The following MDFIC2 variants were observed in gnomAD, a reference collection of about 807,000 sequenced individuals.
The protein encoded by MDFIC2 is MyoD family inhibitor domain containing 2, also known as myoD family inhibitor domain-containing protein 2.
intron 2 of MDFIC2, among the ~76,000 whole-genome samples, chr3:70,293,507 G>T (rs530436002): frequency 6.6e-6 from 1 of 152,126 alleles, no homozygotes; most frequent in Non-Finnish European, 1.5e-5. Context: ...CTATTGTGAT[G>T]TTGCCTATAT....
intron 2 of MDFIC2, among the ~76,000 whole-genome samples, chr3:70,294,797 G>T (rs575032022): frequency 1.6e-4 from 25 of 152,192 alleles, no homozygotes; most frequent in African/African-American, 6.0e-4. Context: ...TTTTTGCTCA[G>T]TCTGGCTTCT....
chr3:70,217,070 AT>A (rs1203039110), intron 2 of MDFIC2, among the ~76,000 whole-genome samples: 12 of 152,090 alleles, frequency 7.9e-5, no homozygotes, highest in Non-Finnish European at 1.6e-4. Context: ...AAAATATTTT[AT>A]TTGTTTACTT....
intron 3 of MDFIC2, among the ~76,000 whole-genome samples, chr3:70,199,611 T>G (rs570116828): frequency 6.6e-6 from 1 of 152,302 alleles, no homozygotes; most frequent in African/African-American, 2.4e-5. Context: ...CTAAAAGGCA[T>G]GTTAAATAGT....
intron 2 of MDFIC2, among the ~76,000 whole-genome samples, chr3:70,223,353 C>T (rs180841341): frequency 5.3e-5 from 8 of 152,258 alleles, no homozygotes; most frequent in Non-Finnish European, 7.3e-5. Flanking sequence ...CCTATCTCTG[C>T]ACAGATTCCT....
Position 70,194,716 on chromosome 3 carries a change from C to T in MDFIC2, c.*2210G>A, listed in dbSNP as rs778098340. Among the ~76,000 whole-genome samples, 1 of 152,042 alleles carries T rather than the reference C, an allele frequency of 6.6e-6. No individual in the cohort carries two copies. Among genetic ancestry groups the T allele is most frequent in the Non-Finnish European group, 1.5e-5 (1 of 68,016 alleles). ...GCATTCAATTCACATTTGAAATGCACAATCTTTGCATAATTTGAGGGTATG... is the reference window on the plus strand; with the variant it reads ...GCATTCAATTCACATTTGAAATGCATAATCTTTGCATAATTTGAGGGTATG... On this transcript the variant is annotated 3_prime_UTR_variant, in exon 4 of 4. Transcript: ENST00000567252.
At chr3:70,197,236 G>A in intron 3 of MDFIC2, 51 bp from the exon 4 acceptor site, 1 of 398,192 alleles carries the variant, frequency 2.5e-6, no homozygotes, top group Non-Finnish European at 4.4e-6. Flanking sequence ...GGGCGTCTAT[G>A]AAGGACAGGC....
intron 2 of MDFIC2, among the ~76,000 whole-genome samples, chr3:70,296,673 C>T (rs1276316489): frequency 6.6e-6 from 1 of 152,080 alleles, no homozygotes; most frequent in Non-Finnish European, 1.5e-5. Flanking sequence ...ACCAGCAAGT[C>T]TTGACAATTC....
At chr3:70,288,615 G>T (rs368215877) in intron 2 of MDFIC2, among the ~76,000 whole-genome samples, 4 of 151,208 alleles carry the variant, frequency 2.6e-5, no homozygotes, top group East Asian at 4.0e-4. Context: ...GGGTATCCTT[G>T]TTGACTTTCT....
intron 2 of MDFIC2, among the ~76,000 whole-genome samples, chr3:70,298,372 T>G (rs1368099451): frequency 7.2e-5 from 11 of 152,118 alleles, no homozygotes; most frequent in Admixed American, 7.2e-4. Flanking sequence ...CATGTTTTTG[T>G]TTAGTTAGCC....
chr3:70,288,569 T>C (rs1286759928), intron 2 of MDFIC2, among the ~76,000 whole-genome samples: 2 of 148,656 alleles, frequency 1.3e-5, no homozygotes, highest in South Asian at 2.2e-4. Flanking sequence ...TAGATGTCTA[T>C]TAGGTCCACT....
chr3:70,298,566 A>G (rs1559557581), intron 2 of MDFIC2, among the ~76,000 whole-genome samples: 2 of 152,150 alleles, frequency 1.3e-5, no homozygotes, highest in African/African-American at 4.8e-5. Context: ...TGGCTTCTGA[A>G]TCTTCATCTA....
At chr3:70,286,125 T>G (rs983919870) in intron 2 of MDFIC2, among the ~76,000 whole-genome samples, 1 of 152,240 alleles carries the variant, frequency 6.6e-6, no homozygotes, top group Non-Finnish European at 1.5e-5. Context: ...GGACATGAAG[T>G]CCTTGCCCAT....
chr3:70,224,164 A>G (rs1206116271), intron 2 of MDFIC2, among the ~76,000 whole-genome samples: 1 of 152,108 alleles, frequency 6.6e-6, no homozygotes, highest in African/African-American at 2.4e-5. Context: ...ATGAAACTGG[A>G]TTCGTAGACT....
intron 2 of MDFIC2, among the ~76,000 whole-genome samples, chr3:70,244,385 T>C (rs571207631): frequency 1.3e-5 from 2 of 152,232 alleles, no homozygotes; most frequent in African/African-American, 4.8e-5. Context: ...GGCAGTCTTA[T>C]GGGCCTGTCA....
intron 2 of MDFIC2, among the ~76,000 whole-genome samples, chr3:70,264,255 C>T (rs1246972151): frequency 6.6e-6 from 1 of 152,132 alleles, no homozygotes; most frequent in Non-Finnish European, 1.5e-5. Flanking sequence ...CTTAAAAAGG[C>T]CTTCGTGTTA....
intron 2 of MDFIC2, among the ~76,000 whole-genome samples, chr3:70,268,334 G>T (rs1044989681): frequency 1.3e-5 from 2 of 152,066 alleles, no homozygotes; most frequent in Non-Finnish European, 2.9e-5. Flanking sequence ...AATTAGCCAG[G>T]CGTGGTTGTG....
At chr3:70,247,378 T>A (rs1701717198) in intron 2 of MDFIC2, among the ~76,000 whole-genome samples, 1 of 151,920 alleles carries the variant, frequency 6.6e-6, no homozygotes, top group African/African-American at 2.4e-5. Flanking sequence ...AGAGAGTTAG[T>A]GAATAATTTT....
At chr3:70,309,879 C>G (rs1445730499) in intron 2 of MDFIC2, among the ~76,000 whole-genome samples, 1 of 152,078 alleles carries the variant, frequency 6.6e-6, no homozygotes, top group Non-Finnish European at 1.5e-5. Flanking sequence ...GAATTCAATG[C>G]CTACGCTGTA....
chr3:70,213,194 A>T lies in MDFIC2; in HGVS notation c.89-6404T>A, dbSNP rs528008296. 1.9e-3 allele frequency among the ~76,000 whole-genome samples: 291 copies of T among 152,076 alleles called. 1 individual carries two copies. Among genetic ancestry groups the T allele is most frequent in the African/African-American group, 6.9e-3 (287 of 41,476 alleles). On this transcript the variant is annotated intron_variant, in intron 2 of 3. Transcript: ENST00000567252. ...TTGATATGTTCCCAGGCTGGACTAG[A>T]GCTCCTGGGCTCAAGTGATCCTTTC...
Sources: gnomAD v4.1 joint callset for allele counts (sites outside exome capture counted in the v4.1 genomes callset) on GRCh38, gnomAD v4.1.1 for gene constraint, MANE v1.5 for transcripts, NCBI Gene and HGNC (gene_info 2026-07-23, HGNC 2026-07-21) for gene names.